The following LEKR1 variants were observed in gnomAD, a reference collection of about 807,000 sequenced individuals.
The protein encoded by LEKR1 is protein LEKR1.
Under a neutral mutation model 72.4 loss-of-function variants are expected in LEKR1, and 59 were observed. The observed-to-expected ratio is 0.82, with a 90% CI of 0.66 to 1.01. LEKR1 has a LOEUF of 1.01. LEKR1 is among the 50% of genes least tolerant of loss of function. The pLI is 0.00. For missense variants in LEKR1, 728 were observed against 759.2 expected, an observed-to-expected ratio of 0.96 and a Z score of 0.48; for synonymous variants, 257 against 263.2, an observed-to-expected ratio of 0.98 and a Z score of 0.23.
chr3:156,896,775 G>T (rs935705699), intron 3 of LEKR1, among the ~76,000 whole-genome samples: 1 of 151,966 alleles, frequency 6.6e-6, no homozygotes, highest in African/African-American at 2.4e-5. Flanking sequence ...CATTCACAAC[G>T]GCAAAGACGT....
rs577986680 is a variant in LEKR1 at position 156,966,895 on chromosome 3, C to T, written c.746-12299C>T. ...GCACCCCCCAGTAGGGGCAGACTGA[C>T]ACCTCACACAGCCAGGTACTCGTCT... On this transcript the variant is annotated intron_variant, in intron 6 of 12. Transcript: ENST00000356539. 3.3e-5 allele frequency among the ~76,000 whole-genome samples: 5 copies of T among 152,310 alleles called. No homozygotes were observed. In the East Asian group the frequency reaches 9.6e-4, roughly 29 times the overall value.
At chr3:156,956,277 T>G (rs1009658279) in intron 6 of LEKR1, among the ~76,000 whole-genome samples, 30 of 151,976 alleles carry the variant, frequency 2.0e-4, no homozygotes, top group African/African-American at 5.3e-4. Context: ...GAACAGCAGT[T>G]GATCCCTCTA....
At chr3:156,924,120 A>C (rs774245061) in intron 4 of LEKR1, among the ~76,000 whole-genome samples, 1 of 152,088 alleles carries the variant, frequency 6.6e-6, no homozygotes, top group African/African-American at 2.4e-5. Context: ...TAGTTTCTCC[A>C]TGTTTTTGTC....
At chr3:156,922,473 C>T (rs1462983518) in intron 4 of LEKR1, among the ~76,000 whole-genome samples, 1 of 150,858 alleles carries the variant, frequency 6.6e-6, no homozygotes, top group Non-Finnish European at 1.5e-5. Context: ...ATATAATCAT[C>T]TTTATTTATG....
At chr3:156,924,361 G>T in intron 4 of LEKR1, 1 of 420,052 alleles carries the variant, frequency 2.4e-6, no homozygotes, top group South Asian at 8.6e-5. Flanking sequence ...CTATATTCTG[G>T]GTATAAGGCC....
chr3:156,996,811 T>C (rs897663537), intron 9 of LEKR1, among the ~76,000 whole-genome samples: 1 of 152,186 alleles, frequency 6.6e-6, no homozygotes, highest in African/African-American at 2.4e-5. Context: ...ATGCCTGTGA[T>C]TCCAGCACTC....
At chr3:157,033,047 C>T (rs1168026376) in intron 12 of LEKR1, among the ~76,000 whole-genome samples, 1 of 152,160 alleles carries the variant, frequency 6.6e-6, no homozygotes, top group East Asian at 1.9e-4. Context: ...CTATATAAGA[C>T]AGCAAACTTA....
intron 12 of LEKR1, among the ~76,000 whole-genome samples, chr3:157,032,053 G>A (rs972804752): frequency 5.3e-5 from 8 of 151,860 alleles, no homozygotes; most frequent in Non-Finnish European, 1.2e-4. Context: ...TTAAAAGATT[G>A]GAAAGGAGGG....
At chr3:157,027,243 A>G (rs1257366763) in intron 11 of LEKR1, among the ~76,000 whole-genome samples, 1 of 151,924 alleles carries the variant, frequency 6.6e-6, no homozygotes, top group Non-Finnish European at 1.5e-5. Context: ...CAGTAGTCAC[A>G]TGTGGCTAGT....
intron 3 of LEKR1, among the ~76,000 whole-genome samples, chr3:156,856,078 A>G (rs991085519): frequency 6.6e-6 from 1 of 152,202 alleles, no homozygotes; most frequent in Non-Finnish European, 1.5e-5. Context: ...TAGAAACAAC[A>G]ACATATGTTT....
At chr3:156,912,833 A>G (rs1169300569) in intron 3 of LEKR1, among the ~76,000 whole-genome samples, 7 of 152,110 alleles carry the variant, frequency 4.6e-5, no homozygotes, top group East Asian at 1.9e-4. Context: ...CCCACCACTC[A>G]CTATATCAGT....
intron 2 of LEKR1, among the ~76,000 whole-genome samples, chr3:156,831,433 TA>T (rs1353799406): frequency 2.0e-5 from 3 of 152,192 alleles, no homozygotes; most frequent in Non-Finnish European, 4.4e-5. Context: ...TAAGGGATAT[TA>T]TTTAAACTAT....
rs1274157440 is a variant in LEKR1, at chr3:157,028,151, A to G, written c.1417A>G (p.Thr473Ala). Residue 473 changes from threonine (T) to alanine (A), a missense_variant, in exon 12 of 13, where the codon ACC (threonine) becomes GCC (alanine). Transcript: ENST00000356539. Reference protein sequence around the residue: ...GATRDLRQEVTTLKEKLHKSH... With the variant: ...GATRDLRQEVATLKEKLHKSH... ...TACAAGAGATCTAAGGCAGGAAGTGACCACTCTTAAAGAAAAACTTCACAA... is the reference window on the plus strand; with the variant it reads ...TACAAGAGATCTAAGGCAGGAAGTGGCCACTCTTAAAGAAAAACTTCACAA... 3 of 1,608,736 alleles carry G rather than the reference A, an allele frequency of 1.9e-6. No homozygotes were observed. The South Asian group carries it at 3.3e-5, about 18-fold the overall frequency.
intron 3 of LEKR1, among the ~76,000 whole-genome samples, chr3:156,873,260 T>C (rs115257357): frequency 0.011 from 1,670 of 152,204 alleles, 33 homozygotes; most frequent in Non-Finnish European, 0.013. Context: ...GGTTTCCCTT[T>C]GCATGGAATA....
At chr3:156,886,547 C>A (rs968728875) in intron 3 of LEKR1, among the ~76,000 whole-genome samples, 4 of 152,084 alleles carry the variant, frequency 2.6e-5, no homozygotes, top group African/African-American at 7.2e-5. Context: ...GGCTGCCTTC[C>A]CCAAGGGTCC....
intron 12 of LEKR1, among the ~76,000 whole-genome samples, chr3:157,034,960 C>T (rs1248534188): frequency 6.6e-6 from 1 of 152,140 alleles, no homozygotes; most frequent in Non-Finnish European, 1.5e-5. Context: ...CTACTGCCAT[C>T]CCAACCTTCA....
intron 6 of LEKR1, among the ~76,000 whole-genome samples, chr3:156,972,764 A>G (rs1017348823): frequency 5.9e-5 from 9 of 151,424 alleles, no homozygotes; most frequent in African/African-American, 2.2e-4. Context: ...CAGTGAGTAA[A>G]ATAATTTAAA....
chr3:157,022,952 A>G (rs1190967975), intron 10 of LEKR1, among the ~76,000 whole-genome samples: 7 of 152,234 alleles, frequency 4.6e-5, no homozygotes, highest in African/African-American at 2.4e-5. Flanking sequence ...CTTAAGGCAG[A>G]TGCTTAGTCC....
intron 5 of LEKR1, among the ~76,000 whole-genome samples, chr3:156,938,521 C>T (rs1299241071): frequency 2.6e-5 from 4 of 151,984 alleles, no homozygotes; most frequent in South Asian, 2.1e-4. Flanking sequence ...GGACTACAGG[C>T]GCATGCCACC....
Sources: allele counts gnomAD v4.1 joint callset (sites outside exome capture counted in the v4.1 genomes callset), GRCh38; gene constraint gnomAD v4.1.1; transcripts MANE v1.5; gene names NCBI Gene and HGNC (gene_info 2026-07-23, HGNC 2026-07-21).